STMN4: variants seen among roughly 807,000 people sequenced by gnomAD.
The protein encoded by STMN4 is stathmin-4.
Under a neutral mutation model 29.1 loss-of-function variants are expected in STMN4, and 12 were observed. That is an observed-to-expected ratio of 0.41 (90% CI 0.26 to 0.67). The LOEUF (loss-of-function observed/expected upper bound fraction) is 0.67, where lower values mean the gene tolerates loss of function less well. STMN4 is among the 30% of genes least tolerant of loss of function. The pLI, the probability that STMN4 is intolerant of heterozygous loss-of-function variation, is 0.30. For synonymous variants in STMN4, 114 were observed against 105.3 expected, an observed-to-expected ratio of 1.08 and a Z score of -0.51; for missense variants, 181 against 262.8, an observed-to-expected ratio of 0.69 and a Z score of 2.15.
At chr8:27,253,103 T>C (rs1363054964) in intron 1 of STMN4, among the ~76,000 whole-genome samples, 2 of 152,230 alleles carry the variant, frequency 1.3e-5, no homozygotes, top group Admixed American at 6.5e-5. Flanking sequence ...TGGAGCTCTC[T>C]AGAGTTTCCA....
intron 6 of STMN4, among the ~76,000 whole-genome samples, chr8:27,237,252 T>G (rs1442812263): frequency 6.6e-6 from 1 of 152,178 alleles, no homozygotes; most frequent in Non-Finnish European, 1.5e-5. Flanking sequence ...AAGGAGCTGC[T>G]GGGGGTAATT....
chr8:27,236,757 T>A lies in STMN4; in HGVS notation c.*89A>T. ...CCCCCCTCCCCCCAAACCCCAGTGC[T>A]GGGAGCGCAGCCGGCGGGCGAGGCT... On this transcript the variant is annotated 3_prime_UTR_variant, in exon 7 of 7. Transcript: ENST00000350889. 9.8e-6 allele frequency: 11 copies of A among 1,122,524 alleles called. No homozygotes were observed. Among genetic ancestry groups the A allele is most frequent in the South Asian group, 1.8e-5 (1 of 56,730 alleles). The allele number at this position is 1,122,524 out of a possible 1,614,324, so 69.5% of individuals were successfully genotyped here.
At chr8:27,241,579 GT>G in intron 4 of STMN4, 97 bp downstream of exon 4, 1 of 1,417,172 alleles carries the variant, frequency 7.1e-7, no homozygotes, top group Admixed American at 1.7e-5. Context: ...TTTGTCGTCC[GT>G]GGTGACAGGC....
At chr8:27,240,306 C>A in intron 5 of STMN4, 144 bp from the exon 6 acceptor site, 1 of 862,468 alleles carries the variant, frequency 1.2e-6, no homozygotes, top group Non-Finnish European at 1.7e-6. Flanking sequence ...AACAAGGACA[C>A]TTCCTAAATT....
At chr8:27,239,234 G>C (rs1185530806) in intron 6 of STMN4, 1 of 1,535,582 alleles carries the variant, frequency 6.5e-7, no homozygotes, top group Non-Finnish European at 8.7e-7. Context: ...ACCATGGGAC[G>C]AGGCCACCGA....
intron 5 of STMN4, among the ~76,000 whole-genome samples, chr8:27,240,461 C>G (rs1468648675): frequency 6.6e-6 from 1 of 152,148 alleles, no homozygotes; most frequent in Non-Finnish European, 1.5e-5. Context: ...GTGCCAGGCA[C>G]TGGTCTAACA....
At chr8:27,248,508 G>A (rs150905322) in intron 1 of STMN4, among the ~76,000 whole-genome samples, 1 of 152,308 alleles carries the variant, frequency 6.6e-6, no homozygotes, top group East Asian at 1.9e-4. Flanking sequence ...CTCTGGACCA[G>A]TGAAGGACTT....
At chr8:27,253,512 C>A (rs1801851439) in intron 1 of STMN4, among the ~76,000 whole-genome samples, 1 of 152,190 alleles carries the variant, frequency 6.6e-6, no homozygotes, top group Admixed American at 6.5e-5. Flanking sequence ...ATTCATTCAA[C>A]AAATATTTAT....
Position 27,241,643 on chromosome 8 carries a change from G to C in STMN4, c.190+34C>G, listed in dbSNP as rs202177422. The C allele has an allele frequency of 3.7e-6, 6 of 1,612,766 alleles. No homozygotes were observed. The African/African-American group carries it at 6.7e-5, about 18-fold the overall frequency. On this transcript the variant is annotated intron_variant, in intron 4 of 6. Coordinates refer to ENST00000350889, the MANE Select transcript of STMN4 (RefSeq NM_030795.4). ...CCCGGCCACAGCCCATCTGACGCTCGGCCTGCGGAATCCCTCCGCTGCCTC... is the reference window on the plus strand; with the variant it reads ...CCCGGCCACAGCCCATCTGACGCTCCGCCTGCGGAATCCCTCCGCTGCCTC...
At chr8:27,237,598 T>C (rs187814468) in intron 6 of STMN4, among the ~76,000 whole-genome samples, 16 of 152,296 alleles carry the variant, frequency 1.1e-4, no homozygotes, top group Non-Finnish European at 1.9e-4. Context: ...TTTGAAAATG[T>C]TGCCCAACTC....
At chr8:27,240,799 C>T (rs186271127) in intron 5 of STMN4, among the ~76,000 whole-genome samples, 3 of 152,182 alleles carry the variant, frequency 2.0e-5, no homozygotes, top group Non-Finnish European at 4.4e-5. Context: ...TGCCACCATG[C>T]ATATAGGGCC....
At chr8:27,241,827 A>C in intron 3 of STMN4, 70 bp from the exon 4 acceptor site, 2 of 1,570,382 alleles carry the variant, frequency 1.3e-6, no homozygotes, top group Non-Finnish European at 1.8e-6. Context: ...AACCAAACCC[A>C]TCTCTGCTTC....
In STMN4 at chr8:27,251,677, T is replaced by C. The variant is rs1351758702; in HGVS notation, c.-79+6674A>G. ...AAATCCTTGTAGTCTTGCTACTTTA[T>C]GCTATTGGCATTTTCTTCTAGGTTT... On this transcript the variant is annotated intron_variant, in intron 1 of 6. Coordinates refer to ENST00000350889, the MANE Select transcript of STMN4 (RefSeq NM_030795.4). Among the ~76,000 whole-genome samples, 8 of 152,362 alleles carry C rather than the reference T, an allele frequency of 5.3e-5. No individual in the cohort carries two copies. The East Asian group carries it at 1.2e-3, about 22-fold the overall frequency.
intron 4 of STMN4, 126 bp downstream of exon 4, chr8:27,241,551 G>T: frequency 1.6e-6 from 2 of 1,214,568 alleles, no homozygotes; most frequent in Non-Finnish European, 2.4e-6. Flanking sequence ...AGCCTCCTCT[G>T]ACTGCTGAGC....
chr8:27,241,057 C>T lies in STMN4; in HGVS notation c.396G>A (p.Arg132=). 6.2e-7 allele frequency: 1 copy of T among 1,612,996 alleles called. No individual in the cohort carries two copies. Among genetic ancestry groups the T allele is most frequent in the Non-Finnish European group, 8.5e-7 (1 of 1,179,378 alleles). The part of the protein sequence containing the change: ...QKKLEAAEER[R]KYQEAELLKH... Reference sequence around the variant, plus strand: ...AGAAGGAAGGGTCAGCATTTACCTTCCTTCGCTCCTCAGCCGCTTCTAGTT... The same window carrying T: ...AGAAGGAAGGGTCAGCATTTACCTTTCTTCGCTCCTCAGCCGCTTCTAGTT... The change falls in exon 5 of 7, where the codon AGG becomes AGA. Residue 132 remains arginine, a synonymous_variant. Transcript: ENST00000350889.
At chr8:27,241,620 C>G (rs142178426) in intron 4 of STMN4, 57 bp downstream of exon 4, 29 of 1,603,398 alleles carry the variant, frequency 1.8e-5, no homozygotes, top group Non-Finnish European at 2.2e-5. Context: ...CGCCCACCCC[C>G]GGCCACAGCC....
intron 1 of STMN4, among the ~76,000 whole-genome samples, chr8:27,249,368 A>G (rs1345956248): frequency 1.3e-5 from 2 of 152,180 alleles, no homozygotes; most frequent in African/African-American, 4.8e-5. Context: ...GGGACTTTTC[A>G]ATGGTCATGA....
intron 1 of STMN4, among the ~76,000 whole-genome samples, chr8:27,249,005 G>A (rs1241518818): frequency 6.6e-6 from 1 of 152,312 alleles, no homozygotes; most frequent in Middle Eastern, 3.4e-3. Flanking sequence ...GCATCTAAGA[G>A]TCTGTACAGA....
At chr8:27,239,655 T>A in intron 6 of STMN4, 1 of 1,387,504 alleles carries the variant, frequency 7.2e-7, no homozygotes, top group Non-Finnish European at 9.4e-7. Context: ...TACCTGCTTG[T>A]CTATCTCTAC....
Sources: gnomAD v4.1 joint callset for allele counts (sites outside exome capture counted in the v4.1 genomes callset) on GRCh38, gnomAD v4.1.1 for gene constraint, MANE v1.5 for transcripts, NCBI Gene and HGNC (gene_info 2026-07-23, HGNC 2026-07-21) for gene names.